CACNA1B: variants seen among roughly 807,000 people sequenced by gnomAD.
The protein encoded by CACNA1B is voltage-dependent N-type calcium channel subunit alpha-1B.
Under a neutral mutation model 247.2 loss-of-function variants are expected in CACNA1B, and 70 were observed. That is an observed-to-expected ratio of 0.28 (90% CI 0.23 to 0.35). The LOEUF is 0.35. Ranked by LOEUF, CACNA1B falls within the 10% of genes least tolerant of loss-of-function variation. The pLI is 1.00. For missense variants in CACNA1B, 2,367 were observed against 3,197.4 expected, an observed-to-expected ratio of 0.74 and a Z score of 6.26; for synonymous variants, 1,231 against 1,294.4, an observed-to-expected ratio of 0.95 and a Z score of 1.05.
chr9:137,969,735 G>A (rs552479944), intron 10 of CACNA1B, among the ~76,000 whole-genome samples: 1 of 152,334 alleles, frequency 6.6e-6, no homozygotes, highest in East Asian at 1.9e-4. Context: ...GTGCTGTGAA[G>A]CATGTGCGTG....
chr9:137,934,529 G>A (rs1162239204), intron 6 of CACNA1B, among the ~76,000 whole-genome samples: 1 of 152,200 alleles, frequency 6.6e-6, no homozygotes, highest in African/African-American at 2.4e-5. Context: ...AATCAGGAAA[G>A]CCGAGAGAAC....
chr9:138,059,102 C>T lies in CACNA1B; in HGVS notation c.4497C>T (p.Tyr1499=), dbSNP rs772499027. The T allele has an allele frequency of 9.3e-6, 15 of 1,611,636 alleles. No individual in the cohort carries two copies. Among genetic ancestry groups the T allele is most frequent in the East Asian group, 4.5e-5 (2 of 44,860 alleles). The part of the protein sequence containing the change: ...MMKFYDAPYE[Y]ELMLKCLNIV... Reference sequence around the variant, plus strand: ...AGTTCTATGATGCACCCTATGAGTACGAGCTGATGCTGAAATGCCTGAACA... The same window carrying T: ...AGTTCTATGATGCACCCTATGAGTATGAGCTGATGCTGAAATGCCTGAACA... Residue 1499 remains tyrosine, a synonymous_variant, in exon 30 of 47, where the codon TAC becomes TAT. Transcript: ENST00000371372. The surrounding 1 kb of genome is among the most constrained non-coding windows in gnomAD (Gnocchi z 4.2).
At chr9:138,025,598 T>C (rs1958911469) in intron 20 of CACNA1B, among the ~76,000 whole-genome samples, 1 of 152,198 alleles carries the variant, frequency 6.6e-6, no homozygotes. Context: ...GAGGAGGCTC[T>C]CCACTGCGTC....
At chr9:137,953,831 G>C (rs1449832877) in intron 7 of CACNA1B, among the ~76,000 whole-genome samples, 4 of 152,130 alleles carry the variant, frequency 2.6e-5, no homozygotes, top group Admixed American at 1.3e-4. Context: ...GGGGCTGTCA[G>C]GGGGCTGGCA....
In CACNA1B at chr9:138,013,184, A is replaced by T; in HGVS notation, c.2216A>T (p.Lys739Ile). The change falls in exon 18 of 47, where the codon AAA (lysine) becomes ATA (isoleucine). Residue 739 changes from lysine to isoleucine, a missense_variant. Around this residue, in one of 12 missense-constraint regions of CACNA1B, gnomAD observed 631 missense variants for 631.1 expected, o/e 1.00. Transcript: ENST00000371372. ...CAGAAGCTTGCTCTGCAAAAGGCCA[A>T]AGAAGTGGCTGAAGTCAGCCCCATG... ...ANQKLALQKA[K>I]EVAEVSPMSA... The T allele has an allele frequency of 1.2e-6, 2 of 1,611,820 alleles. No individual in the cohort carries two copies. Among genetic ancestry groups the T allele is most frequent in the Middle Eastern group, 3.3e-4 (2 of 6,048 alleles).
chr9:137,925,783 C>T (rs1320845365), intron 6 of CACNA1B, among the ~76,000 whole-genome samples: 1 of 151,472 alleles, frequency 6.6e-6, no homozygotes, highest in East Asian at 1.9e-4. Flanking sequence ...TGCTCTGTCG[C>T]CCAGGCTGGA....
chr9:137,916,878 G>A (rs192733844), intron 5 of CACNA1B, among the ~76,000 whole-genome samples: 66 of 144,426 alleles, frequency 4.6e-4, no homozygotes, highest in Admixed American at 1.9e-3. Flanking sequence ...TCAGCGTGGC[G>A]GTTTGGCTGT....
rs139979100 is a variant in CACNA1B at position 138,067,453 on chromosome 9, C to T, written c.4669-2305C>T. 2.1e-4 allele frequency among the ~76,000 whole-genome samples: 32 copies of T among 152,346 alleles called. No individual in the cohort carries two copies. In the East Asian group the frequency reaches 5.2e-3, roughly 25 times the overall value. ...CAATGGCCCAGGCCTATAATCCTAGCACTTTGGGAGGCTGAGGTGGGCAGA... is the reference window on the plus strand; with the variant it reads ...CAATGGCCCAGGCCTATAATCCTAGTACTTTGGGAGGCTGAGGTGGGCAGA... On this transcript the variant is annotated intron_variant, in intron 31 of 46. Coordinates refer to ENST00000371372, the MANE Select transcript of CACNA1B (RefSeq NM_000718.4).
intron 7 of CACNA1B, among the ~76,000 whole-genome samples, chr9:137,953,966 C>T (rs939875270): frequency 6.6e-6 from 1 of 152,142 alleles, no homozygotes; most frequent in Non-Finnish European, 1.5e-5. Context: ...GGCAGGAGAG[C>T]AGCCTGCTCA....
At chr9:137,894,343 G>A (rs1051009944) in intron 3 of CACNA1B, among the ~76,000 whole-genome samples, 2 of 136,782 alleles carry the variant, frequency 1.5e-5, no homozygotes, top group Non-Finnish European at 3.0e-5. Flanking sequence ...TAGATATGTC[G>A]TGATCGTTGT....
Position 138,054,650 on chromosome 9 carries a change from T to C in CACNA1B, c.3968+644T>C, listed in dbSNP as rs921139343. Among the ~76,000 whole-genome samples the C allele has an allele frequency of 2.0e-5, 3 of 152,170 alleles. No homozygotes were observed. Among genetic ancestry groups the C allele is most frequent in the Admixed American group, 6.5e-5 (1 of 15,282 alleles). The stretch of plus-strand genomic sequence containing the variant: ...GCTGGGAATGCTGCACGTGCACACG[T>C]CCGCCAGGGAGCAGTAGCAGTTTGG... On this transcript the variant is annotated intron_variant, in intron 26 of 46. Transcript: ENST00000371372. The surrounding 1 kb of genome is among the most constrained non-coding windows in gnomAD (Gnocchi z 4.6).
At position 137,971,673 on chromosome 9, in the gene CACNA1B, C is replaced by T. The variant is rs1015601024; in HGVS notation, c.1543+81C>T. 10 of 1,244,778 alleles carry T rather than the reference C, an allele frequency of 8.0e-6. No individual in the cohort carries two copies. Among genetic ancestry groups the T allele is most frequent in the Admixed American group, 3.9e-5 (2 of 50,634 alleles). The allele number at this position is 1,244,778 out of a possible 1,614,324, so 77.1% of individuals were successfully genotyped here. A position where few individuals can be genotyped will look rare whatever the true frequency, so the allele number is the denominator to read the frequency against. ...GGAAACCCTGGTCCATGCCCTGGGG[C>T]TACCCCAGGTGGGACGGGACCCACC... On this transcript the variant is annotated intron_variant, in intron 11 of 46. Transcript: ENST00000371372. This position sits in a 1 kb window ranked among gnomAD's most constrained non-coding sequence, Gnocchi z 4.4.
At position 137,990,159 on chromosome 9, in the gene CACNA1B, G is replaced by A. The variant is rs1415622354; in HGVS notation, c.1974+3305G>A. 1.3e-5 allele frequency among the ~76,000 whole-genome samples: 2 copies of A among 152,152 alleles called. No homozygotes were observed. The highest frequency in any genetic ancestry group is 4.8e-5 in the African/African-American group (2 of 41,410). Reference sequence around the variant, plus strand: ...CAGCCTTTTGGACTGCGGGCTGCGTGGGAGTGGGGTGAGGCCTGTGACTGC... The same window carrying A: ...CAGCCTTTTGGACTGCGGGCTGCGTAGGAGTGGGGTGAGGCCTGTGACTGC... On this transcript the variant is annotated intron_variant, in intron 15 of 46. Coordinates refer to ENST00000371372, the MANE Select transcript of CACNA1B (RefSeq NM_000718.4). This position sits in a 1 kb window ranked among gnomAD's most constrained non-coding sequence, Gnocchi z 4.5.
At chr9:137,896,238 C>CAAA (rs34505431) in intron 3 of CACNA1B, among the ~76,000 whole-genome samples, 4 of 69,690 alleles carry the variant, frequency 5.7e-5, no homozygotes, top group Non-Finnish European at 5.6e-5. Context: ...GACTCTGTCT[C>CAAA]AAAAAAAAAA....
At chr9:137,958,609 T>C (rs951562612) in intron 10 of CACNA1B, among the ~76,000 whole-genome samples, 31 of 152,178 alleles carry the variant, frequency 2.0e-4, no homozygotes, top group Non-Finnish European at 4.3e-4. Flanking sequence ...TATCTCACTA[T>C]GAAAAATACT....
intron 25 of CACNA1B, 32 bp from the exon 26 acceptor site, chr9:138,053,814 C>T: frequency 1.3e-6 from 2 of 1,585,050 alleles, no homozygotes; most frequent in Non-Finnish European, 1.7e-6. Flanking sequence ...TGATTCCACC[C>T]CCTCATCATG....
At chr9:137,903,749 C>CT (rs1013060951) in intron 3 of CACNA1B, among the ~76,000 whole-genome samples, 133 of 148,260 alleles carry the variant, frequency 9.0e-4, no homozygotes, top group African/African-American at 2.6e-3. Flanking sequence ...TTCAGCTCTC[C>CT]TTTTTTTTTT....
At chr9:138,091,238 C>T (rs994092846) in intron 36 of CACNA1B, among the ~76,000 whole-genome samples, 1 of 152,148 alleles carries the variant, frequency 6.6e-6, no homozygotes, top group South Asian at 2.1e-4. Context: ...CTTGTGGCAA[C>T]ATGGATGAGC....
chr9:137,911,451 T>C (rs1957358762), intron 3 of CACNA1B, among the ~76,000 whole-genome samples: 1 of 152,272 alleles, frequency 6.6e-6, no homozygotes, highest in African/African-American at 2.4e-5. Context: ...AGTCTCGCTC[T>C]GTAGCCCAGA....
Sources: gnomAD v4.1 joint callset for allele counts (sites outside exome capture counted in the v4.1 genomes callset) on GRCh38, gnomAD v4.1.1 for gene constraint, gnomAD v4.1.1 regional missense constraint, Gnocchi (gnomAD v3.1) non-coding constraint, MANE v1.5 for transcripts, NCBI Gene and HGNC (gene_info 2026-07-23, HGNC 2026-07-21) for gene names.